Variants in PROK2 observed in about 807,000 individuals in gnomAD.
PROK2 encodes prokineticin-2.
A neutral mutation model predicts 14.2 loss-of-function variants in PROK2; 8 were observed. The ratio of observed to expected loss-of-function variants is 0.56; its 90% CI spans 0.33 to 1.02. PROK2 has a LOEUF of 1.02. Among genes scored for constraint, PROK2 ranks in the 50% least tolerant of loss-of-function variants. The probability of loss-of-function intolerance (pLI) is 0.03; values close to 1 mark genes in which losing one functional copy is unlikely to be tolerated. For missense variants in PROK2, 154 were observed against 160.4 expected, an observed-to-expected ratio of 0.96 and a Z score of 0.22; for synonymous variants, 59 against 60.7, an observed-to-expected ratio of 0.97 and a Z score of 0.13.
At chr3:71,777,403 T>C (rs1372342297) in intron 2 of PROK2, among the ~76,000 whole-genome samples, 1 of 152,164 alleles carries the variant, frequency 6.6e-6, no homozygotes, top group Admixed American at 6.5e-5. Flanking sequence ...TTAAAAAATA[T>C]GTAAAAATTT....
intron 1 of PROK2, among the ~76,000 whole-genome samples, chr3:71,783,532 T>C (rs1035447340): frequency 2.0e-5 from 3 of 152,246 alleles, no homozygotes; most frequent in African/African-American, 4.8e-5. Flanking sequence ...CATAGGTTTA[T>C]ATATTTTTAA....
At chr3:71,782,675 T>C (rs1045849434) in intron 1 of PROK2, among the ~76,000 whole-genome samples, 1 of 152,196 alleles carries the variant, frequency 6.6e-6, no homozygotes, top group East Asian at 1.9e-4. Flanking sequence ...CAAATTTAAA[T>C]GTACAATTAG....
At chr3:71,778,077 G>A (rs536211840) in intron 2 of PROK2, among the ~76,000 whole-genome samples, 11 of 152,092 alleles carry the variant, frequency 7.2e-5, no homozygotes, top group African/African-American at 2.4e-4. Flanking sequence ...GGCGCCTGTA[G>A]TCCCAGCTAC....
At chr3:71,772,852 C>T in intron 3 of PROK2, 24 bp from the exon 4 acceptor site, 4 of 1,600,344 alleles carry the variant, frequency 2.5e-6, no homozygotes, top group Non-Finnish European at 3.4e-6. Flanking sequence ...AAAACGGAGT[C>T]AGAGCTGGAA....
In PROK2 at chr3:71,772,481, C is replaced by T. The variant is rs574601544; in HGVS notation, c.*243G>A. On this transcript the variant is annotated 3_prime_UTR_variant, in exon 4 of 4. Coordinates refer to ENST00000295619, the MANE Select transcript of PROK2 (RefSeq NM_001126128.2). ...AGAAAAAAGCCAAATCAAACCAAAA[C>T]ACAAACAGGGAAATAAGAACCAGTT... 1 of 421,514 alleles carries T rather than the reference C, an allele frequency of 2.4e-6. No individual in the cohort carries two copies. Among genetic ancestry groups the T allele is most frequent in the South Asian group, 4.5e-5 (1 of 22,026 alleles). The allele number at this position is 421,514 out of a possible 1,614,324, so 26.1% of individuals were successfully genotyped here.
intron 3 of PROK2, among the ~76,000 whole-genome samples, chr3:71,774,014 G>C (rs1275916382): frequency 6.6e-6 from 1 of 152,218 alleles, no homozygotes; most frequent in Non-Finnish European, 1.5e-5. Context: ...TGTGAAATCA[G>C]ATGGCAAGTG....
intron 2 of PROK2, among the ~76,000 whole-genome samples, chr3:71,778,040 CA>C (rs2050132716): frequency 6.6e-6 from 1 of 151,544 alleles, no homozygotes; most frequent in South Asian, 2.1e-4. Flanking sequence ...CGAAAAATAC[CA>C]AAAACATTAG....
intron 2 of PROK2, among the ~76,000 whole-genome samples, chr3:71,776,363 C>CTTTTTTTTTTTTTT (rs2050118816): frequency 4.3e-5 from 4 of 92,068 alleles, no homozygotes; most frequent in African/African-American, 1.8e-4. Context: ...TTTCGCTTTT[C>CTTTTTTTTTTTTTT]ATTTTTTTTT....
At chr3:71,772,883 C>G (rs1359216600) in intron 3 of PROK2, 55 bp from the exon 4 acceptor site, 8 of 1,462,146 alleles carry the variant, frequency 5.5e-6, no homozygotes, top group African/African-American at 4.2e-5. Flanking sequence ...AACAAACAAA[C>G]CAAATCATTC....
intron 1 of PROK2, among the ~76,000 whole-genome samples, chr3:71,784,420 G>T (rs1266439149): frequency 6.6e-6 from 1 of 152,184 alleles, no homozygotes; most frequent in African/African-American, 2.4e-5. Flanking sequence ...TCCCACAATT[G>T]CTTTTCAAAG....
At chr3:71,772,874 A>G (rs2050091527) in intron 3 of PROK2, 46 bp from the exon 4 acceptor site, 2 of 1,516,864 alleles carry the variant, frequency 1.3e-6, no homozygotes, top group South Asian at 2.2e-5. Flanking sequence ...GGTTTCAAAA[A>G]CAAACAAACC....
At chr3:71,772,893 C>T (rs1363044638) in intron 3 of PROK2, 65 bp from the exon 4 acceptor site, 2 of 1,343,166 alleles carry the variant, frequency 1.5e-6, no homozygotes, top group Non-Finnish European at 2.1e-6. Flanking sequence ...CCAAATCATT[C>T]TTGAGATAGC....
At chr3:71,781,333 T>C (rs1324628706) in intron 2 of PROK2, 134 bp downstream of exon 2, 3 of 1,167,532 alleles carry the variant, frequency 2.6e-6, no homozygotes, top group Non-Finnish European at 3.8e-6. Context: ...GGGGTAGTTT[T>C]ACACTGTTAT....
At chr3:71,778,962 A>C (rs754642899) in intron 2 of PROK2, among the ~76,000 whole-genome samples, 7 of 152,284 alleles carry the variant, frequency 4.6e-5, no homozygotes, top group Admixed American at 6.5e-5. Context: ...TATTGGATCC[A>C]TGATAAAAAC....
intron 1 of PROK2, among the ~76,000 whole-genome samples, chr3:71,782,495 C>T (rs963512542): frequency 6.6e-6 from 1 of 152,128 alleles, no homozygotes; most frequent in Non-Finnish European, 1.5e-5. Flanking sequence ...ATAATAAAAT[C>T]TAAATCTATT....
At chr3:71,773,402 G>A (rs922207235) in intron 3 of PROK2, among the ~76,000 whole-genome samples, 18 of 152,130 alleles carry the variant, frequency 1.2e-4, no homozygotes, top group African/African-American at 4.1e-4. Context: ...CTGGTATATT[G>A]GCCAAGGTCA....
At chr3:71,781,711 G>T in intron 1 of PROK2, 119 bp from the exon 2 acceptor site, 1 of 1,083,932 alleles carries the variant, frequency 9.2e-7, no homozygotes, top group Non-Finnish European at 1.4e-6. Flanking sequence ...TTAATAATCA[G>T]GTATATTTTT....
chr3:71,776,364 A>ATTTTTTTTTTTT (rs58407323), intron 2 of PROK2, among the ~76,000 whole-genome samples: 9 of 75,440 alleles, frequency 1.2e-4, no homozygotes, highest in African/African-American at 4.6e-4. Context: ...TTCGCTTTTC[A>ATTTTTTTTTTTT]TTTTTTTTTT....
chr3:71,772,371 GAA>G lies in PROK2; in HGVS notation c.*351_*352del, dbSNP rs760814546. On this transcript the variant is annotated 3_prime_UTR_variant, in exon 4 of 4. Transcript: ENST00000295619. ...GCACAAATGGGGCTTGGGGTGGTGA[GAA>G]AAAAAAAAAAAAGTTTTTCTAACAA... 273 of 200,292 alleles carry G rather than the reference GAA, an allele frequency of 1.4e-3. No individual in the cohort carries two copies. Among genetic ancestry groups the G allele is most frequent in the Middle Eastern group, 6.2e-3 (3 of 484 alleles). The allele number at this position is 200,292 out of a possible 1,614,324, so 12.4% of individuals were successfully genotyped here. A position where few individuals can be genotyped will look rare whatever the true frequency, so the allele number is the denominator to read the frequency against.
Sources: allele counts gnomAD v4.1 joint callset (sites outside exome capture counted in the v4.1 genomes callset), GRCh38; gene constraint gnomAD v4.1.1; transcripts MANE v1.5; gene names NCBI Gene and HGNC (gene_info 2026-07-23, HGNC 2026-07-21).